The following PHF24 variants were observed in gnomAD, a reference collection of about 807,000 sequenced individuals.
PHF24 encodes Galpha inhibitory interacting protein.
A neutral mutation model predicts 42.6 loss-of-function variants in PHF24; 25 were observed. The observed-to-expected ratio is 0.59, with a 90% CI of 0.43 to 0.82. The LOEUF (loss-of-function observed/expected upper bound fraction) is 0.82, where lower values mean the gene tolerates loss of function less well. Among genes scored for constraint, PHF24 ranks in the 40% least tolerant of loss-of-function variants. PHF24 has a pLI of 0.00. For missense variants in PHF24, 470 were observed against 538.1 expected (o/e 0.87, Z 1.25); for synonymous variants, 185 against 204.8 (o/e 0.90, Z 0.83).
At chr9:34,686,251 G>C in the PHF24 span, among the ~76,000 whole-genome samples, 1 of 152,154 alleles carries the variant, frequency 6.6e-6, no homozygotes, top group African/African-American at 2.4e-5. Flanking sequence ...AAGGTTTTCT[G>C]GTGGTTTCTG....
At chr9:34,978,237 C>A in exon 8 of PHF24, 1 of 692,694 alleles carries the variant, frequency 1.4e-6, no homozygotes, top group South Asian at 1.7e-5. Context: ...CTTAACTTGT[C>A]ACTAAGCTTT....
the PHF24 span, among the ~76,000 whole-genome samples, chr9:34,806,240 G>A: frequency 8.7e-4 from 131 of 151,426 alleles, no homozygotes; most frequent in African/African-American, 2.5e-3. Context: ...ATCATCTATC[G>A]CTTTCTAAAA....
chr9:34,820,631 A>C, the PHF24 span, among the ~76,000 whole-genome samples: 1 of 151,944 alleles, frequency 6.6e-6, no homozygotes, highest in Non-Finnish European at 1.5e-5. Flanking sequence ...TATCCAGTCT[A>C]TTATTGATGG....
the PHF24 span, among the ~76,000 whole-genome samples, chr9:34,896,050 G>A: frequency 3.3e-5 from 5 of 152,078 alleles, no homozygotes; most frequent in African/African-American, 9.7e-5. Flanking sequence ...TTATGGCTTA[G>A]CTCTCCCCTT....
chr9:34,777,621 A>G, the PHF24 span, among the ~76,000 whole-genome samples: 1 of 152,144 alleles, frequency 6.6e-6, no homozygotes, highest in Non-Finnish European at 1.5e-5. Flanking sequence ...TTGCTGCAGT[A>G]GCAAAGTAGT....
At chr9:34,926,154 G>A in the PHF24 span, among the ~76,000 whole-genome samples, 1 of 152,250 alleles carries the variant, frequency 6.6e-6, no homozygotes. The surrounding 1 kb of genome is among the most constrained non-coding windows in gnomAD (Gnocchi z 4.3). Context: ...TCACTGGCCT[G>A]TTTCTCAGGT....
the PHF24 span, among the ~76,000 whole-genome samples, chr9:34,742,397 C>T: frequency 7.2e-5 from 11 of 152,186 alleles, no homozygotes; most frequent in South Asian, 1.2e-3. Flanking sequence ...AGTCTTGGAG[C>T]AGCTCTCTCC....
the PHF24 span, among the ~76,000 whole-genome samples, chr9:34,939,523 C>G: frequency 6.6e-6 from 1 of 152,056 alleles, no homozygotes; most frequent in African/African-American, 2.4e-5. Flanking sequence ...TAGGGTGCCA[C>G]GTAGAATTCT....
chr9:34,831,514 C>G, the PHF24 span, among the ~76,000 whole-genome samples: 1 of 152,046 alleles, frequency 6.6e-6, no homozygotes, highest in Non-Finnish European at 1.5e-5. Context: ...AACACCCTGC[C>G]CTTCATCACA....
chr9:34,924,144 C>A, the PHF24 span, among the ~76,000 whole-genome samples: 1 of 152,000 alleles, frequency 6.6e-6, no homozygotes, highest in Non-Finnish European at 1.5e-5. Flanking sequence ...TAGTTTTATT[C>A]CATTTTGGTC....
the PHF24 span, among the ~76,000 whole-genome samples, chr9:34,943,588 A>G: frequency 6.6e-6 from 1 of 152,006 alleles, no homozygotes; most frequent in East Asian, 1.9e-4. Context: ...ATGTCTAGGT[A>G]TTTTCCCTTC....
At chr9:34,669,071 C>T in the PHF24 span, among the ~76,000 whole-genome samples, 6 of 152,146 alleles carry the variant, frequency 3.9e-5, no homozygotes, top group Admixed American at 6.5e-5. Context: ...CGAGTTGTCC[C>T]GCCTTTCCAG....
At position 34,971,426 on chromosome 9, in the gene PHF24, C is replaced by T. The variant is rs771097473; in HGVS notation, c.128C>T (p.Ser43Phe). Reference sequence around the variant, plus strand: ...CGACGCACAGGTGAGCTGCCAGGGTCCCGCCGTGGCACTGTAGAGGGCTCC... The same window carrying T: ...CGACGCACAGGTGAGCTGCCAGGGTTCCGCCGTGGCACTGTAGAGGGCTCC... The change falls in exon 2 of 8, where the codon TCC becomes TTC. Residue 43 changes from serine (S) to phenylalanine (F), a missense_variant. By Grantham distance (155) the Ser-to-Phe change is radical. Coordinates refer to ENST00000242315, the Ensembl canonical transcript of PHF24. 3 of 1,614,146 alleles carry T rather than the reference C, an allele frequency of 1.9e-6. No homozygotes were observed. Among genetic ancestry groups the T allele is most frequent in the South Asian group, 2.2e-5 (2 of 91,074 alleles).
the PHF24 span, among the ~76,000 whole-genome samples, chr9:34,736,545 C>T: frequency 6.6e-6 from 1 of 152,168 alleles, no homozygotes; most frequent in Non-Finnish European, 1.5e-5. Context: ...GGGCTCAAGT[C>T]ATCCTCCCAC....
the PHF24 span, among the ~76,000 whole-genome samples, chr9:34,748,396 T>C: frequency 6.6e-6 from 1 of 152,166 alleles, no homozygotes; most frequent in South Asian, 2.1e-4. Context: ...TGGTTTAGTG[T>C]CATCCCCTTG....
upstream of PHF24, among the ~76,000 whole-genome samples, chr9:34,957,928 C>T (rs1826422853): frequency 6.6e-6 from 1 of 151,760 alleles, no homozygotes; most frequent in Non-Finnish European, 1.5e-5. Flanking sequence ...ACTGTCCTTG[C>T]CGCAGTCGGC....
the PHF24 span, among the ~76,000 whole-genome samples, chr9:34,934,720 C>T: frequency 6.6e-6 from 1 of 152,086 alleles, no homozygotes; most frequent in South Asian, 2.1e-4. Flanking sequence ...CTTTTCCTTC[C>T]TTGGAGCTCC....
chr9:34,917,436 A>G, the PHF24 span: 2 of 768,156 alleles, frequency 2.6e-6, no homozygotes, highest in African/African-American at 3.4e-5. Context: ...ATGTTTAAGG[A>G]CCCTTTCCGT....
the PHF24 span, among the ~76,000 whole-genome samples, chr9:34,862,071 G>A: frequency 1.3e-4 from 20 of 152,162 alleles, no homozygotes; most frequent in Non-Finnish European, 2.6e-4. Context: ...GTCCTCACAC[G>A]GTGGAAGGGG....
Sources: allele counts gnomAD v4.1 joint callset (sites outside exome capture counted in the v4.1 genomes callset), GRCh38; gene constraint gnomAD v4.1.1; non-coding constraint Gnocchi (gnomAD v3.1); transcripts MANE v1.5; gene names NCBI Gene and HGNC (gene_info 2026-07-23, HGNC 2026-07-21).